Variants in SNRNP200 observed in about 807,000 individuals in gnomAD.
SNRNP200 encodes the protein small nuclear ribonucleoprotein U5 subunit 200.
A neutral mutation model predicts 255.2 loss-of-function variants in SNRNP200; 66 were observed. The observed-to-expected ratio is 0.26, with a 90% CI of 0.21 to 0.32. SNRNP200 has a LOEUF of 0.32. Among genes scored for constraint, SNRNP200 ranks in the 10% least tolerant of loss-of-function variants. SNRNP200 has a pLI of 1.00. For missense variants in SNRNP200, 1,585 were observed against 2,749.8 expected, an observed-to-expected ratio of 0.58 and a Z score of 9.47; for synonymous variants, 939 against 1,027.8, an observed-to-expected ratio of 0.91 and a Z score of 1.65.
chr2:96,282,806 G>A, intron 34 of SNRNP200: 1 of 331,944 alleles, frequency 3.0e-6, no homozygotes, highest in South Asian at 2.6e-5. Flanking sequence ...CTGCAGAACT[G>A]AGTCAATTAA....
chr2:96,301,906 C>T (rs1468791821), intron 3 of SNRNP200, among the ~76,000 whole-genome samples, 190 bp from the exon 4 acceptor site: 2 of 152,180 alleles, frequency 1.3e-5, no homozygotes, highest in Non-Finnish European at 2.9e-5. Flanking sequence ...AAAAGATTAG[C>T]TAGGTGGCCT....
Position 96,303,256 on chromosome 2 carries a change from T to C in SNRNP200, c.284A>G (p.Asp95Gly). The change falls in exon 3 of 45, where the codon GAT (aspartate) becomes GGT (glycine). Residue 95 changes from aspartate to glycine, a missense_variant. This residue lies in a region of SNRNP200 where 383 missense variants were observed against 645.3 expected (regional missense o/e 0.59). Transcript: ENST00000323853. ...KGYTLLSEGIDEMVGIIYKPK... is the reference protein window; with the variant it reads ...KGYTLLSEGIGEMVGIIYKPK... ...CTTGTAGATGATGCCCACCATCTCA[T>C]CAATGCCCTCCGACAGCAGAGTATA... is the stretch of plus-strand genomic sequence containing the variant. The C allele has an allele frequency of 6.2e-7, 1 of 1,614,240 alleles. No individual in the cohort carries two copies. Among genetic ancestry groups the C allele is most frequent in the Non-Finnish European group, 8.5e-7 (1 of 1,180,032 alleles).
chr2:96,285,447 G>A (rs2063838540), intron 29 of SNRNP200, 107 bp from the exon 30 acceptor site: 1 of 1,318,260 alleles, frequency 7.6e-7, no homozygotes, highest in Non-Finnish European at 1.1e-6. Context: ...AATGAAGTCA[G>A]GCAGTTCTGG....
At chr2:96,300,757 C>T (rs2063947273) in intron 5 of SNRNP200, among the ~76,000 whole-genome samples, 1 of 150,018 alleles carries the variant, frequency 6.7e-6, no homozygotes, top group South Asian at 2.1e-4. Flanking sequence ...GAGAAGACTC[C>T]GTCTCAAAAA....
chr2:96,284,243 G>C, intron 31 of SNRNP200, 115 bp downstream of exon 31: 1 of 965,686 alleles, frequency 1.0e-6, no homozygotes, highest in South Asian at 1.4e-5. Flanking sequence ...GCAGCAGGTA[G>C]AATCCTCTGG....
Position 96,303,434 on chromosome 2 carries a change from A to C in SNRNP200, c.210-104T>G, listed in dbSNP as rs142000330. 344 of 1,358,332 alleles carry C rather than the reference A, an allele frequency of 2.5e-4. 1 individual carries two copies. In the East Asian group the frequency reaches 7.7e-3, roughly 30 times the overall value. 84.1% of individuals were successfully genotyped at this position (1,358,332 alleles called of 1,614,324 possible). ...TCCTCAGCTTCATGGCAAGAAGTTA[A>C]TATCTGAAAACAGGTATCTGAGCCT... On this transcript the variant is annotated intron_variant, in intron 2 of 44. Transcript: ENST00000323853.
In SNRNP200 at chr2:96,278,699, C is replaced by T. The variant is rs749546665; in HGVS notation, c.5336G>A (p.Arg1779His). Reference sequence around the variant, plus strand: ...CTCTGACAAGTGGTCCGACAAGTGACGATGGGAGATGCCTATGGAGGCGAG... The same window carrying T: ...CTCTGACAAGTGGTCCGACAAGTGATGATGGGAGATGCCTATGGAGGCGAG... ...NYYNLQGISH[R>H]HLSDHLSELV... The change falls in exon 38 of 45, where the codon CGT (arginine) becomes CAT (histidine). Residue 1779 changes from arginine (R) to histidine (H), a missense_variant. By Grantham distance (29) the Arg-to-His change is conservative (BLOSUM62 0). Coordinates refer to ENST00000323853, the MANE Select transcript of SNRNP200 (RefSeq NM_014014.5). This position sits in a 1 kb window ranked among gnomAD's most constrained non-coding sequence, Gnocchi z 6.9. 5.0e-6 allele frequency: 8 copies of T among 1,614,066 alleles called. No individual in the cohort carries two copies. Among genetic ancestry groups the T allele is most frequent in the South Asian group, 1.1e-5 (1 of 91,090 alleles).
In SNRNP200 at chr2:96,291,000, A is replaced by G. The variant is rs1237004364; in HGVS notation, c.2422-185T>C. Among the ~76,000 whole-genome samples the G allele has an allele frequency of 6.6e-6, 1 of 152,182 alleles. No homozygotes were observed. Among genetic ancestry groups the G allele is most frequent in the Non-Finnish European group, 1.5e-5 (1 of 68,032 alleles). ...AAAGGTTTCCTTGGGTTCCTCATCT[A>G]TTCAGTAATGAACATTTCAAGGTTC... On this transcript the variant is annotated intron_variant, in intron 18 of 44. Coordinates refer to ENST00000323853, the MANE Select transcript of SNRNP200 (RefSeq NM_014014.5). This position sits in a 1 kb window ranked among gnomAD's most constrained non-coding sequence, Gnocchi z 4.5.
At chr2:96,301,411 G>C (rs767404964) in intron 4 of SNRNP200, 113 bp downstream of exon 4, 11 of 1,132,652 alleles carry the variant, frequency 9.7e-6, no homozygotes, top group Non-Finnish European at 1.5e-5. Flanking sequence ...ACACAGAACA[G>C]ATTATGGGAA....
At position 96,286,533 on chromosome 2, in the gene SNRNP200, A is replaced by C; in HGVS notation, c.3830-49T>G. 1 of 1,607,612 alleles carries C rather than the reference A, an allele frequency of 6.2e-7. No homozygotes were observed. The highest frequency in any genetic ancestry group is 8.5e-7 in the Non-Finnish European group (1 of 1,175,760). On this transcript the variant is annotated intron_variant, in intron 28 of 44. Coordinates refer to ENST00000323853, the MANE Select transcript of SNRNP200 (RefSeq NM_014014.5). The surrounding 1 kb of genome is among the most constrained non-coding windows in gnomAD (Gnocchi z 4.8). ...ATATAAGCACTGCTCTCTTTCCCTC[A>C]CTGGCCTCTAGATCCCCTCCATGAA...
At position 96,277,884 on chromosome 2, in the gene SNRNP200, G is replaced by A; in HGVS notation, c.5677C>T (p.Leu1893=). 1.2e-6 allele frequency: 2 copies of A among 1,614,258 alleles called. No homozygotes were observed. Among genetic ancestry groups the A allele is most frequent in the Non-Finnish European group, 1.7e-6 (2 of 1,180,044 alleles). ...CGAGACAAGTGAGCCTGCAGGAGCAGGTTGGTCTTGACGTGCGGATCATTG... is the reference window on the plus strand; with the variant it reads ...CGAGACAAGTGAGCCTGCAGGAGCAAGTTGGTCTTGACGTGCGGATCATTG... ...KFNDPHVKTN[L]LLQAHLSRMQ... is the part of the protein sequence containing the mutation. Residue 1893 remains leucine (L), a synonymous_variant, in exon 40 of 45, where the codon CTG becomes TTG. Transcript: ENST00000323853. This position sits in a 1 kb window ranked among gnomAD's most constrained non-coding sequence, Gnocchi z 4.4.
chr2:96,299,003 T>A, intron 6 of SNRNP200, 36 bp from the exon 7 acceptor site: 1 of 1,612,222 alleles, frequency 6.2e-7, no homozygotes, highest in Non-Finnish European at 8.5e-7. Flanking sequence ...TCACCAGGTC[T>A]CTGCCAGCCT....
chr2:96,301,404 C>A, intron 4 of SNRNP200, 120 bp downstream of exon 4: 3 of 1,096,320 alleles, frequency 2.7e-6, no homozygotes, highest in Non-Finnish European at 4.2e-6. Context: ...TCAAAAAACA[C>A]AGAACAGATT....
chr2:96,283,877 C>G lies in SNRNP200; in HGVS notation c.4520G>C (p.Ser1507Thr). Residue 1507 changes from serine to threonine, a missense_variant, in exon 32 of 45, where the codon AGT (serine) becomes ACT (threonine). By Grantham distance (58) the Ser-to-Thr change is moderately conservative (BLOSUM62 1). Coordinates refer to ENST00000323853, the MANE Select transcript of SNRNP200 (RefSeq NM_014014.5). The surrounding 1 kb of genome is among the most constrained non-coding windows in gnomAD (Gnocchi z 4.7). ...ATGGAAGTTGAAGGTGGAGGTGGCA[C>G]TGCAGCCCAGCCAGTGGGCCACATC... ...AKDVAHWLGC[S>T]ATSTFNFHPN... 6.3e-7 allele frequency: 1 copy of G among 1,594,684 alleles called. No homozygotes were observed. Among genetic ancestry groups the G allele is most frequent in the Non-Finnish European group, 8.5e-7 (1 of 1,170,634 alleles).
At chr2:96,297,221 C>G (rs2063922458) in intron 11 of SNRNP200, 142 bp downstream of exon 11, 2 of 1,490,148 alleles carry the variant, frequency 1.3e-6, no homozygotes, top group Admixed American at 3.6e-5. Flanking sequence ...CCCCTGGGCT[C>G]AAAATCAGAA....
At position 96,283,059 on chromosome 2, in the gene SNRNP200, G is replaced by T; in HGVS notation, c.4915+142C>A. ...CACGAGGTTCTTGGGAGGATCAAAT[G>T]AGTTAACAGCCAAGAGTCCTAAACA... On this transcript the variant is annotated intron_variant, in intron 34 of 44. Coordinates refer to ENST00000323853, the MANE Select transcript of SNRNP200 (RefSeq NM_014014.5). This position sits in a 1 kb window ranked among gnomAD's most constrained non-coding sequence, Gnocchi z 4.7. 1 of 1,097,010 alleles carries T rather than the reference G, an allele frequency of 9.1e-7. No individual in the cohort carries two copies. The highest frequency in any genetic ancestry group is 1.4e-6 in the Non-Finnish European group (1 of 733,260). 68.0% of individuals were successfully genotyped at this position (1,097,010 alleles called of 1,614,324 possible).
chr2:96,278,324 C>T lies in SNRNP200; in HGVS notation c.5523G>A (p.Lys1841=), dbSNP rs1455175694. ...LFSMSLNAKT[K]VRGLIEIISN... ...AGATGATCTCGATAAGCCCTCGCAC[C>T]TTGGTCTTGGCATTGAGGGACATGC... is the stretch of plus-strand genomic sequence containing the variant. Residue 1841 remains lysine (K), a synonymous_variant, in exon 39 of 45, where the codon AAG becomes AAA. Transcript: ENST00000323853. This position sits in a 1 kb window ranked among gnomAD's most constrained non-coding sequence, Gnocchi z 6.9. 1.2e-6 allele frequency: 2 copies of T among 1,614,176 alleles called. No homozygotes were observed. Among genetic ancestry groups the T allele is most frequent in the Admixed American group, 1.7e-5 (1 of 60,020 alleles).
chr2:96,301,126 C>T (rs1427197296), intron 4 of SNRNP200, 73 bp from the exon 5 acceptor site: 1 of 1,230,144 alleles, frequency 8.1e-7, no homozygotes, highest in African/African-American at 1.5e-5. Context: ...AGCCAATGTC[C>T]TCCCCGACTA....
intron 1 of SNRNP200, among the ~76,000 whole-genome samples, 175 bp downstream of exon 1, chr2:96,305,218 C>T (rs1387392124): frequency 1.3e-5 from 2 of 152,098 alleles, no homozygotes; most frequent in Non-Finnish European, 2.9e-5. Flanking sequence ...CTTAGCGCTC[C>T]CCAGACCCCA....
Sources: allele counts gnomAD v4.1 joint callset (sites outside exome capture counted in the v4.1 genomes callset), GRCh38; gene constraint gnomAD v4.1.1; regional missense constraint gnomAD v4.1.1; non-coding constraint Gnocchi (gnomAD v3.1); transcripts MANE v1.5; gene names NCBI Gene and HGNC (gene_info 2026-07-23, HGNC 2026-07-21).